KDM1A: variants seen among roughly 807,000 people sequenced by gnomAD.
KDM1A encodes lysine demethylase 1A.
Under a neutral mutation model 109.4 loss-of-function variants are expected in KDM1A, and 49 were observed. The observed-to-expected ratio is 0.45, with a 90% CI of 0.36 to 0.57. The LOEUF (loss-of-function observed/expected upper bound fraction) is 0.57, where lower values mean the gene tolerates loss of function less well. Ranked by LOEUF, KDM1A falls within the 20% of genes least tolerant of loss-of-function variation. KDM1A has a pLI of 0.00. For synonymous variants in KDM1A, 380 were observed against 415.4 expected (o/e 0.91, Z 1.04); for missense variants, 668 against 1,116.6 (o/e 0.60, Z 5.73).
At chr1:23,063,370 T>C (rs1344359863) in intron 9 of KDM1A, among the ~76,000 whole-genome samples, 5 of 152,058 alleles carry the variant, frequency 3.3e-5, no homozygotes, top group Non-Finnish European at 4.4e-5. Context: ...TGAAAAGTAA[T>C]GGGTGTCAGG....
At chr1:23,066,202 G>T in intron 10 of KDM1A, 131 bp downstream of exon 10, 1 of 674,652 alleles carries the variant, frequency 1.5e-6, no homozygotes. Context: ...TTGTTGTAGA[G>T]TTGCGCCTAT....
intron 1 of KDM1A, 41 bp downstream of exon 1, chr1:23,019,988 C>G (rs1278538040): frequency 7.0e-7 from 1 of 1,430,502 alleles, no homozygotes; most frequent in African/African-American, 1.5e-5. Flanking sequence ...CGCCTGGTGC[C>G]GAGCTTCCCC....
At chr1:23,080,132 A>G (rs1451118788) in intron 18 of KDM1A, among the ~76,000 whole-genome samples, 1 of 152,184 alleles carries the variant, frequency 6.6e-6, no homozygotes, top group Non-Finnish European at 1.5e-5. Context: ...ACCCCACCTC[A>G]TTCCAAGAAA....
At chr1:23,077,125 C>T (rs1471953020) in intron 15 of KDM1A, 103 bp from the exon 16 acceptor site, 5 of 1,091,826 alleles carry the variant, frequency 4.6e-6, no homozygotes, top group Non-Finnish European at 6.5e-6. Context: ...AAAATATTGA[C>T]TGTTTCCACA....
At chr1:23,050,557 A>C in intron 4 of KDM1A, 37 bp downstream of exon 4, 1 of 1,557,364 alleles carries the variant, frequency 6.4e-7, no homozygotes, top group Non-Finnish European at 8.7e-7. Context: ...CTGGATTATA[A>C]AAAGTATATA....
At chr1:23,061,162 G>A (rs2124484840) in intron 9 of KDM1A, among the ~76,000 whole-genome samples, 1 of 152,298 alleles carries the variant, frequency 6.6e-6, no homozygotes, top group East Asian at 1.9e-4. Context: ...GGTGGGGCCT[G>A]CACTGGCTGC....
chr1:23,071,439 GAGCCACTAGCC>G, intron 13 of KDM1A, 80 bp downstream of exon 13: 1 of 1,384,474 alleles, frequency 7.2e-7, no homozygotes, highest in Non-Finnish European at 9.8e-7. Flanking sequence ...TTGGAAAAGA[GAGCCACTAGCC>G]AATCACAAGT....
chr1:23,072,455 T>G (rs907457983), intron 14 of KDM1A, among the ~76,000 whole-genome samples: 1 of 152,194 alleles, frequency 6.6e-6, no homozygotes, highest in Non-Finnish European at 1.5e-5. Flanking sequence ...TGGATAAAGA[T>G]GTAATAGATG....
intron 1 of KDM1A, among the ~76,000 whole-genome samples, chr1:23,027,416 T>A (rs78435408): frequency 6.9e-6 from 1 of 145,972 alleles, no homozygotes; most frequent in Non-Finnish European, 1.5e-5. Flanking sequence ...TTGTTTGCTT[T>A]TTTTTTTTTT....
intron 3 of KDM1A, among the ~76,000 whole-genome samples, chr1:23,049,000 A>C (rs1642581161): frequency 6.6e-6 from 1 of 151,704 alleles, no homozygotes; most frequent in Non-Finnish European, 1.5e-5. Flanking sequence ...AATACAAAAA[A>C]CATTAGCCAG....
At chr1:23,058,650 G>A (rs1370886249) in intron 8 of KDM1A, among the ~76,000 whole-genome samples, 2 of 152,032 alleles carry the variant, frequency 1.3e-5, no homozygotes, top group Non-Finnish European at 1.5e-5. Context: ...GCCCATCCCT[G>A]GTATTGTTTT....
In KDM1A at chr1:23,068,528, C is replaced by G. The variant is rs557464017; in HGVS notation, c.1180-11C>G. ...TATAAGGACCAACTCTGCTATACTT[C>G]GGATTTTCAGGTTCCTAAAGAGAAA... On this transcript the variant is annotated splice_polypyrimidine_tract_variant and intron_variant, in intron 10 of 20. Transcript: ENST00000400181. The G allele has an allele frequency of 1.3e-6, 2 of 1,564,276 alleles. No individual in the cohort carries two copies. Among genetic ancestry groups the G allele is most frequent in the African/African-American group, 1.4e-5 (1 of 72,750 alleles).
At chr1:23,074,917 C>T (rs1643419627) in intron 15 of KDM1A, among the ~76,000 whole-genome samples, 1 of 152,188 alleles carries the variant, frequency 6.6e-6, no homozygotes, top group Admixed American at 6.5e-5. Flanking sequence ...ATCATACTGT[C>T]TTGTAAGTTC....
rs1221528911 is a variant in KDM1A at position 23,030,457 on chromosome 1, A to G, written c.352-12A>G. The G allele has an allele frequency of 6.7e-7, 1 of 1,503,328 alleles. No individual in the cohort carries two copies. The highest frequency in any genetic ancestry group is 1.4e-5 in the African/African-American group (1 of 70,502). The allele number at this position is 1,503,328 out of a possible 1,614,324, so 93.1% of individuals were successfully genotyped here. On this transcript the variant is annotated splice_polypyrimidine_tract_variant and intron_variant, in intron 1 of 20. Transcript: ENST00000400181. ...ACTGCATTTAGCTTTCCCTGGTATG[A>G]TCTCCATATAGGTAGAGTACAGAGA...
intron 18 of KDM1A, among the ~76,000 whole-genome samples, chr1:23,080,410 T>A (rs1643584435): frequency 6.6e-6 from 1 of 152,206 alleles, no homozygotes; most frequent in Non-Finnish European, 1.5e-5. Flanking sequence ...ACCTATTTAC[T>A]TTTTTCTATT....
chr1:23,054,818 G>T (rs1194655248), intron 5 of KDM1A, among the ~76,000 whole-genome samples: 4 of 151,910 alleles, frequency 2.6e-5, no homozygotes, highest in Non-Finnish European at 4.4e-5. Context: ...TAGAGACAGG[G>T]TCTTGCTGTG....
At position 23,077,152 on chromosome 1, in the gene KDM1A, G is replaced by T. The variant is rs1468247560; in HGVS notation, c.1735-76G>T. ...GTTTCCACAAGCTTGTGTTTTCATT[G>T]TTGTTGTACAGAACTAGGTGCAAAT... On this transcript the variant is annotated intron_variant, in intron 15 of 20. Coordinates refer to ENST00000400181, the MANE Select transcript of KDM1A (RefSeq NM_001009999.3). The T allele has an allele frequency of 3.6e-6, 5 of 1,379,692 alleles. No homozygotes were observed. The East Asian group carries it at 7.2e-5, about 20-fold the overall frequency. 85.5% of individuals were successfully genotyped at this position (1,379,692 alleles called of 1,614,324 possible).
intron 2 of KDM1A, among the ~76,000 whole-genome samples, chr1:23,039,122 A>T (rs570986149): frequency 2.2e-4 from 34 of 152,278 alleles, no homozygotes; most frequent in Non-Finnish European, 4.1e-4. Context: ...TTTTAGCCCC[A>T]TTCTTACTTC....
intron 10 of KDM1A, 120 bp downstream of exon 10, chr1:23,066,191 G>A (rs938792869): frequency 1.7e-5 from 12 of 727,106 alleles, no homozygotes; most frequent in Non-Finnish European, 2.5e-5. Flanking sequence ...ACACTGGTTT[G>A]TTGTTGTAGA....
Sources: gnomAD v4.1 joint callset for allele counts (sites outside exome capture counted in the v4.1 genomes callset) on GRCh38, gnomAD v4.1.1 for gene constraint, MANE v1.5 for transcripts, NCBI Gene and HGNC (gene_info 2026-07-23, HGNC 2026-07-21) for gene names.